EOGT: variants seen among roughly 807,000 people sequenced by gnomAD.
The protein encoded by EOGT is EGF domain-specific O-linked N-acetylglucosamine transferase.
Under a neutral mutation model 70.5 loss-of-function variants are expected in EOGT, and 55 were observed. The observed-to-expected ratio is 0.78, with a 90% CI of 0.63 to 0.98. The LOEUF (loss-of-function observed/expected upper bound fraction) is 0.98, where lower values mean the gene tolerates loss of function less well. EOGT is among the 50% of genes least tolerant of loss of function. EOGT has a pLI of 0.00. For synonymous variants in EOGT, 246 were observed against 217.1 expected (o/e 1.13, Z -1.17); for missense variants, 703 against 641.9 (o/e 1.10, Z -1.03).
intron 10 of EOGT, among the ~76,000 whole-genome samples, chr3:68,993,352 T>TTCCA (rs2091051070): frequency 6.6e-6 from 1 of 152,132 alleles, no homozygotes; most frequent in South Asian, 2.1e-4. Flanking sequence ...AAGTTCAAAG[T>TTCCA]TCCACAAATC....
chr3:68,985,278 C>G (rs1009405470), intron 14 of EOGT, among the ~76,000 whole-genome samples: 1 of 152,136 alleles, frequency 6.6e-6, no homozygotes, highest in African/African-American at 2.4e-5. Flanking sequence ...ACACACACTG[C>G]TCATTTCTTC....
intron 8 of EOGT, among the ~76,000 whole-genome samples, chr3:69,002,449 A>C (rs1378199993): frequency 6.6e-6 from 1 of 152,194 alleles, no homozygotes; most frequent in Non-Finnish European, 1.5e-5. Flanking sequence ...TACCATGTGG[A>C]ATCAAATATC....
At chr3:69,011,551 C>G (rs1476226815) in intron 3 of EOGT, among the ~76,000 whole-genome samples, 2 of 148,050 alleles carry the variant, frequency 1.4e-5, no homozygotes, top group African/African-American at 5.0e-5. Context: ...GTCGTGATCT[C>G]GCCACTGCAC....
In EOGT at chr3:69,007,780, T is replaced by C. The variant is rs2091476719; in HGVS notation, c.353A>G (p.Gln118Arg). The C allele has an allele frequency of 6.2e-7, 1 of 1,613,244 alleles. No homozygotes were observed. Among genetic ancestry groups the C allele is most frequent in the Non-Finnish European group, 8.5e-7 (1 of 1,179,484 alleles). ...LESAEDIFWKQADFGYARERL... is the reference protein window; with the variant it reads ...LESAEDIFWKRADFGYARERL... The stretch of plus-strand genomic sequence containing the variant: ...CTCTCTGGCATATCCAAAGTCAGCT[T>C]GTTTCCAAAATATGTCCTCAGCTGA... Residue 118 changes from glutamine (Q) to arginine (R), a missense_variant, in exon 6 of 18, where the codon CAA (glutamine) becomes CGA (arginine). Gln to Arg is a conservative substitution (Grantham distance 43). Coordinates refer to ENST00000383701, the MANE Select transcript of EOGT (RefSeq NM_001278689.2).
chr3:69,009,490 A>T, intron 4 of EOGT, 147 bp downstream of exon 4: 1 of 615,982 alleles, frequency 1.6e-6, no homozygotes, highest in Non-Finnish European at 2.8e-6. Context: ...TTAGTCACTT[A>T]GAAGTATTAT....
rs756357983 is a variant in EOGT at position 68,978,337 on chromosome 3, T to C, written c.1433A>G (p.Asp478Gly). Residue 478 changes from aspartate to glycine, a missense_variant, in exon 17 of 18, where the codon GAT becomes GGT. By Grantham distance (94) the Asp-to-Gly change is moderately conservative. Transcript: ENST00000383701. ...WRRQNKVFPQ[D>G]KGHHPTLGEH... is the part of the protein sequence containing the mutation. ...AGTTTTGTGATTGAACTTTACCTTA[T>C]CCTGAGGAAAGACTTTGTTCTGCCG... 4 of 1,611,144 alleles carry C rather than the reference T, an allele frequency of 2.5e-6. No individual in the cohort carries two copies. In the South Asian group the frequency reaches 3.3e-5, roughly 13 times the overall value.
rs1169943528 is a variant in EOGT, at chr3:69,009,880, C to T, written c.-14-20G>A. On this transcript the variant is annotated intron_variant, in intron 3 of 17. Coordinates refer to ENST00000383701, the MANE Select transcript of EOGT (RefSeq NM_001278689.2). ...GCAAACCTAGAGATCAAAATGAAGA[C>T]AACTTTGTTAACAAATTTCCTTTAA... is the stretch of plus-strand genomic sequence containing the variant. 1 of 1,377,714 alleles carries T rather than the reference C, an allele frequency of 7.3e-7. No homozygotes were observed. Among genetic ancestry groups the T allele is most frequent in the Non-Finnish European group, 9.9e-7 (1 of 1,013,608 alleles). The allele number at this position is 1,377,714 out of a possible 1,614,324, so 85.3% of individuals were successfully genotyped here.
chr3:69,002,628 C>G (rs938108654), intron 8 of EOGT, among the ~76,000 whole-genome samples: 1 of 118,096 alleles, frequency 8.5e-6, no homozygotes, highest in African/African-American at 3.1e-5. Flanking sequence ...TCTTTAAGGA[C>G]AAAAAAAAAA....
chr3:69,002,697 C>T (rs556340922), intron 8 of EOGT, among the ~76,000 whole-genome samples: 37 of 151,966 alleles, frequency 2.4e-4, no homozygotes, highest in Non-Finnish European at 4.7e-4. Flanking sequence ...ATCCATCGCC[C>T]AGGCTGGAGT....
rs970369881 is a variant in EOGT, at chr3:69,007,722, A to T, written c.411T>A (p.Pro137=). Reference sequence around the variant, plus strand: ...GGAGCAAAATACCCACCGTTTCCTTAGGCTGACAGAGCACATGCATCTCCT... The same window carrying T: ...GGAGCAAAATACCCACCGTTTCCTTTGGCTGACAGAGCACATGCATCTCCT... The part of the protein sequence containing the change: ...RLEEMHVLCQ[P]KETSDSSLVC... The change falls in exon 6 of 18, where the codon CCT becomes CCA. Residue 137 remains proline (P), a synonymous_variant. Transcript: ENST00000383701. 5.6e-6 allele frequency: 9 copies of T among 1,599,988 alleles called. No individual in the cohort carries two copies. Among genetic ancestry groups the T allele is most frequent in the Non-Finnish European group, 7.7e-6 (9 of 1,172,940 alleles).
In EOGT at chr3:68,977,648, C is replaced by A; in HGVS notation, c.1554G>T (p.Trp518Cys). The A allele has an allele frequency of 6.2e-7, 1 of 1,613,630 alleles. No homozygotes were observed. Among genetic ancestry groups the A allele is most frequent in the Non-Finnish European group, 8.5e-7 (1 of 1,179,832 alleles). Residue 518 changes from tryptophan to cysteine, a missense_variant, in exon 18 of 18, where the codon TGG (tryptophan) becomes TGT (cysteine). By Grantham distance (215) the Trp-to-Cys change is radical. Transcript: ENST00000383701. ...AADHVLQHPKWPFKKKHDEL is the reference protein window; with the variant it reads ...AADHVLQHPKCPFKKKHDEL ...GCTCATCATGTTTCTTCTTAAATGG[C>A]CACTTTGGGTGTTGCAATACGTGGT...
intron 9 of EOGT, among the ~76,000 whole-genome samples, chr3:68,998,332 G>C (rs2091208354): frequency 1.3e-5 from 2 of 152,244 alleles, no homozygotes; most frequent in South Asian, 4.1e-4. Context: ...TCTAAAATTG[G>C]TTATTTAAAA....
chr3:68,995,453 C>T (rs1395070300), intron 10 of EOGT, among the ~76,000 whole-genome samples: 3 of 152,184 alleles, frequency 2.0e-5, no homozygotes, highest in Non-Finnish European at 2.9e-5. Flanking sequence ...TGCTGGGCTA[C>T]ACCCATCCTG....
chr3:69,003,876 G>A (rs1459525362), intron 8 of EOGT, among the ~76,000 whole-genome samples: 1 of 152,098 alleles, frequency 6.6e-6, no homozygotes, highest in African/African-American at 2.4e-5. Flanking sequence ...TAATATATGT[G>A]TATTGTTTTT....
At chr3:68,989,495 C>T (rs2090916876) in intron 10 of EOGT, among the ~76,000 whole-genome samples, 1 of 152,066 alleles carries the variant, frequency 6.6e-6, no homozygotes, top group African/African-American at 2.4e-5. Context: ...CAGCTGTAAT[C>T]CCAGCACTTT....
intron 10 of EOGT, among the ~76,000 whole-genome samples, chr3:68,993,779 G>A (rs1449778417): frequency 2.0e-5 from 3 of 152,180 alleles, no homozygotes; most frequent in Non-Finnish European, 4.4e-5. Context: ...GGAGGCCTCA[G>A]AATCATAGTG....
At chr3:68,984,179 G>A (rs938820395) in intron 14 of EOGT, among the ~76,000 whole-genome samples, 1 of 151,602 alleles carries the variant, frequency 6.6e-6, no homozygotes, top group Non-Finnish European at 1.5e-5. Context: ...AAAGCAACAA[G>A]CAGTGACCAA....
At chr3:68,995,531 G>A (rs571506319) in intron 10 of EOGT, among the ~76,000 whole-genome samples, 2 of 152,242 alleles carry the variant, frequency 1.3e-5, no homozygotes, top group African/African-American at 2.4e-5. Context: ...AGTAACCTGG[G>A]GTCTTCATGG....
chr3:68,987,723 A>G, intron 13 of EOGT: 3 of 571,776 alleles, frequency 5.2e-6, no homozygotes, highest in African/African-American at 1.9e-5. Flanking sequence ...AGCTCATTAC[A>G]TTGTCTGTTT....
Sources: gnomAD v4.1 joint callset for allele counts (sites outside exome capture counted in the v4.1 genomes callset) on GRCh38, gnomAD v4.1.1 for gene constraint, MANE v1.5 for transcripts, NCBI Gene and HGNC (gene_info 2026-07-23, HGNC 2026-07-21) for gene names.